SORCS2: variants seen among roughly 807,000 people sequenced by gnomAD.
SORCS2 encodes the protein sortilin related VPS10 domain containing receptor 2.
A neutral mutation model predicts 141.6 loss-of-function variants in SORCS2; 100 were observed. The observed-to-expected ratio is 0.71, with a 90% CI of 0.60 to 0.83. SORCS2 has a LOEUF of 0.83. SORCS2 is among the 40% of genes least tolerant of loss of function. SORCS2 has a pLI of 0.00. For missense variants in SORCS2, 1,646 were observed against 1,560.2 expected (o/e 1.05, Z -0.93); for synonymous variants, 789 against 676.9 (o/e 1.17, Z -2.57).
Position 7,656,663 on chromosome 4 carries a change from C to T in SORCS2, c.887+2456C>T, listed in dbSNP as rs1056750313. On this transcript the variant is annotated intron_variant, in intron 5 of 26. Coordinates refer to ENST00000507866, the MANE Select transcript of SORCS2 (RefSeq NM_020777.3). ...GGTGGTCTGGCCGCTTGGGCTTCAC[C>T]GGGTGTTCCTGCATCTGCCTCCTTG... Among the ~76,000 whole-genome samples, 6 of 152,344 alleles carry T rather than the reference C, an allele frequency of 3.9e-5. No homozygotes were observed. The South Asian group carries it at 6.2e-4, about 16-fold the overall frequency.
intron 3 of SORCS2, among the ~76,000 whole-genome samples, chr4:7,572,064 C>A (rs947138975): frequency 1.3e-5 from 2 of 152,202 alleles, no homozygotes; most frequent in Non-Finnish European, 2.9e-5. Flanking sequence ...TTGATCAAAG[C>A]ATCCTCATCT....
intron 3 of SORCS2, among the ~76,000 whole-genome samples, chr4:7,595,504 C>T (rs1291123226): frequency 6.6e-6 from 1 of 152,182 alleles, no homozygotes; most frequent in East Asian, 1.9e-4. Flanking sequence ...CAATCCCCAT[C>T]CCAAAGCTGT....
At chr4:7,578,433 G>C (rs1313133808) in intron 3 of SORCS2, among the ~76,000 whole-genome samples, 1 of 152,210 alleles carries the variant, frequency 6.6e-6, no homozygotes, top group Non-Finnish European at 1.5e-5. Flanking sequence ...AAAGTCCTTT[G>C]AAAGTTTTTC....
At chr4:7,734,681 C>T (rs1712019583) in intron 25 of SORCS2, among the ~76,000 whole-genome samples, 1 of 152,216 alleles carries the variant, frequency 6.6e-6, no homozygotes, top group Non-Finnish European at 1.5e-5. Context: ...GAGGACACTG[C>T]CCATCTCACA....
rs866630605 is a variant in SORCS2 at position 7,664,049 on chromosome 4, T to C, written c.953-304T>C. ...TTCAGGAGGGTATGGGGGCCGTGCATGTCTGGGTGTGGCGAGGTACCCACC... is the reference window on the plus strand; with the variant it reads ...TTCAGGAGGGTATGGGGGCCGTGCACGTCTGGGTGTGGCGAGGTACCCACC... On this transcript the variant is annotated intron_variant, in intron 6 of 26. Coordinates refer to ENST00000507866, the MANE Select transcript of SORCS2 (RefSeq NM_020777.3). The surrounding 1 kb of genome is among the most constrained non-coding windows in gnomAD (Gnocchi z 4.7). Among the ~76,000 whole-genome samples the C allele has an allele frequency of 6.6e-6, 1 of 152,152 alleles. No individual in the cohort carries two copies. Among genetic ancestry groups the C allele is most frequent in the Non-Finnish European group, 1.5e-5 (1 of 68,028 alleles).
intron 3 of SORCS2, among the ~76,000 whole-genome samples, chr4:7,631,928 T>C (rs1719923522): frequency 6.6e-6 from 1 of 152,176 alleles, no homozygotes; most frequent in Non-Finnish European, 1.5e-5. Flanking sequence ...AGGACCCCCA[T>C]GTTAGCCAGC....
chr4:7,543,981 C>T (rs1417652330), intron 3 of SORCS2, among the ~76,000 whole-genome samples: 2,310 of 122,280 alleles, frequency 0.019, 72 homozygotes, highest in Non-Finnish European at 0.025. Context: ...TCCACCCATC[C>T]GTCCATCCAT....
intron 1 of SORCS2, among the ~76,000 whole-genome samples, chr4:7,209,243 G>A (rs1727917633): frequency 6.6e-6 from 1 of 152,182 alleles, no homozygotes; most frequent in African/African-American, 2.4e-5. Flanking sequence ...GTCCTTCAGC[G>A]CCCGAGAGCA....
chr4:7,701,425 C>G (rs888796682), intron 12 of SORCS2, among the ~76,000 whole-genome samples: 1 of 152,096 alleles, frequency 6.6e-6, no homozygotes, highest in African/African-American at 2.4e-5. Flanking sequence ...CTGTGATAAC[C>G]AGGAGGAAAC....
intron 14 of SORCS2, among the ~76,000 whole-genome samples, chr4:7,709,842 G>C (rs1266481407): frequency 6.6e-6 from 1 of 152,140 alleles, no homozygotes; most frequent in Non-Finnish European, 1.5e-5. Flanking sequence ...AGCAGGGAGG[G>C]GTCCCCAGGC....
intron 15 of SORCS2, 84 bp downstream of exon 15, chr4:7,712,937 G>T: frequency 6.4e-7 from 1 of 1,554,118 alleles, no homozygotes; most frequent in Non-Finnish European, 8.7e-7. Flanking sequence ...GTCCTCCCCT[G>T]CAAGGCCGCA....
intron 14 of SORCS2, among the ~76,000 whole-genome samples, chr4:7,706,242 C>T (rs112353620): frequency 9.9e-5 from 7 of 70,990 alleles, no homozygotes; most frequent in South Asian, 6.4e-4. Context: ...GGCTGCGCTC[C>T]GCCTGGGCAG....
chr4:7,511,833 G>A (rs542654745), intron 2 of SORCS2, among the ~76,000 whole-genome samples: 15 of 152,282 alleles, frequency 9.9e-5, no homozygotes, highest in African/African-American at 2.4e-4. Flanking sequence ...CTTTGGCCTG[G>A]CCTGTTTCCA....
chr4:7,532,828 G>GT (rs1460967069), intron 3 of SORCS2, among the ~76,000 whole-genome samples: 1 of 152,044 alleles, frequency 6.6e-6, no homozygotes, highest in Non-Finnish European at 1.5e-5. Flanking sequence ...GTTTTGTTTC[G>GT]TTTTTTTCTC....
chr4:7,637,654 G>A (rs1720351436), intron 3 of SORCS2, among the ~76,000 whole-genome samples: 1 of 151,990 alleles, frequency 6.6e-6, no homozygotes, highest in Admixed American at 6.5e-5. Flanking sequence ...CATTTCTGCA[G>A]CACCCCCTCC....
intron 2 of SORCS2, among the ~76,000 whole-genome samples, chr4:7,444,344 G>A (rs1727862166): frequency 6.6e-6 from 1 of 152,156 alleles, no homozygotes. Context: ...GTGGAGAGGT[G>A]GAGACATTGT....
At chr4:7,322,467 G>A (rs895744959) in intron 1 of SORCS2, among the ~76,000 whole-genome samples, 4 of 152,214 alleles carry the variant, frequency 2.6e-5, no homozygotes, top group East Asian at 3.9e-4. Context: ...CCCGCTGCAC[G>A]GGAAGGCCAG....
chr4:7,491,802 G>T (rs1731330475), intron 2 of SORCS2, among the ~76,000 whole-genome samples: 1 of 152,202 alleles, frequency 6.6e-6, no homozygotes, highest in Non-Finnish European at 1.5e-5. Flanking sequence ...GAGGGTGAGG[G>T]CTGGCTCAGG....
At chr4:7,290,086 G>A (rs1267543764) in intron 1 of SORCS2, among the ~76,000 whole-genome samples, 2 of 152,166 alleles carry the variant, frequency 1.3e-5, no homozygotes, top group Non-Finnish European at 2.9e-5. Context: ...GGCCAAATAT[G>A]GGGGAGACTG....
Sources: gnomAD v4.1 joint callset for allele counts (sites outside exome capture counted in the v4.1 genomes callset) on GRCh38, gnomAD v4.1.1 for gene constraint, Gnocchi (gnomAD v3.1) non-coding constraint, MANE v1.5 for transcripts, NCBI Gene and HGNC (gene_info 2026-07-23, HGNC 2026-07-21) for gene names.